Variants in KDM4B observed in about 807,000 individuals in gnomAD.
The protein encoded by KDM4B is lysine-specific demethylase 4B.
KDM4B carries 32 observed loss-of-function variants against 125.2 expected under a neutral mutation model. That is an observed-to-expected ratio of 0.26 (90% confidence interval 0.19 to 0.34). KDM4B has a LOEUF of 0.34. Among genes scored for constraint, KDM4B ranks in the 10% least tolerant of loss-of-function variants. The pLI, the probability that KDM4B is intolerant of heterozygous loss-of-function variation, is 1.00. For synonymous variants in KDM4B, 721 were observed against 677.9 expected (o/e 1.06, Z -0.99); for missense variants, 1,190 against 1,577.7 (o/e 0.75, Z 4.16).
chr19:5,014,419 G>A (rs1404502436), intron 1 of KDM4B, among the ~76,000 whole-genome samples: 1 of 152,166 alleles, frequency 6.6e-6, no homozygotes, highest in Non-Finnish European at 1.5e-5. Context: ...TGGGACTGCA[G>A]GCGCCCGCCA....
chr19:5,084,464 TTA>T (rs935637987), intron 9 of KDM4B, among the ~76,000 whole-genome samples: 3 of 138,510 alleles, frequency 2.2e-5, no homozygotes, highest in South Asian at 2.1e-4. Flanking sequence ...AATTTATATA[TTA>T]TATATAAATA....
Position 5,144,223 on chromosome 19 carries a change from C to T in KDM4B, c.2737-25C>T, listed in dbSNP as rs1444649336. The T allele has an allele frequency of 3.8e-6, 6 of 1,593,332 alleles. No homozygotes were observed. The African/African-American group carries it at 4.0e-5, about 11-fold the overall frequency. ...CCCACCGACACCCGCGCTGACCGCC[C>T]CCCACACCCTCCGCACCCTCCCAGG... On this transcript the variant is annotated intron_variant, in intron 19 of 22. Coordinates refer to ENST00000159111, the MANE Select transcript of KDM4B (RefSeq NM_015015.3).
chr19:5,107,155 C>T lies in KDM4B; in HGVS notation c.919-3467C>T, dbSNP rs556151230. On this transcript the variant is annotated intron_variant, in intron 9 of 22. Coordinates refer to ENST00000159111, the MANE Select transcript of KDM4B (RefSeq NM_015015.3). ...GGCCAGATGCGCCCAGCTTCCCCGG[C>T]AGCTCTCAGGGCGGCCTCACCCATG... 1.6e-4 allele frequency among the ~76,000 whole-genome samples: 24 copies of T among 152,362 alleles called. 1 individual carries two copies. Among genetic ancestry groups the T allele is most frequent in the Admixed American group, 5.2e-4 (8 of 15,308 alleles).
At chr19:5,116,446 G>A (rs1014439678) in intron 10 of KDM4B, among the ~76,000 whole-genome samples, 1 of 152,144 alleles carries the variant, frequency 6.6e-6, no homozygotes, top group African/African-American at 2.4e-5. Context: ...ACAGAGTCTC[G>A]TATTCCACCT....
intron 10 of KDM4B, chr19:5,119,320 C>T (rs528672185): frequency 2.0e-5 from 17 of 830,466 alleles, no homozygotes; most frequent in Middle Eastern, 3.1e-4. Flanking sequence ...GTGGCACACG[C>T]GGCTCCTGCC....
intron 10 of KDM4B, among the ~76,000 whole-genome samples, chr19:5,117,731 G>A (rs953120827): frequency 1.3e-5 from 2 of 152,172 alleles, no homozygotes; most frequent in Admixed American, 6.5e-5. Flanking sequence ...CCTGCTCCCT[G>A]TGTTAGTGAC....
intron 1 of KDM4B, among the ~76,000 whole-genome samples, chr19:4,972,870 G>A (rs1224402995): frequency 2.6e-5 from 4 of 152,188 alleles, no homozygotes; most frequent in African/African-American, 7.2e-5. Context: ...GAGCCCCCAC[G>A]GGGTCCCCTG....
Position 5,133,948 on chromosome 19 carries a change from C to G in KDM4B, c.1972C>G (p.Leu658Val), listed in dbSNP as rs2039603396. 6.2e-7 allele frequency: 1 copy of G among 1,613,000 alleles called. No homozygotes were observed. The highest frequency in any genetic ancestry group is 8.5e-7 in the Non-Finnish European group (1 of 1,179,952). The change falls in exon 14 of 23, where the codon CTG becomes GTG. Residue 658 changes from leucine (L) to valine (V), a missense_variant. Leu to Val is a conservative substitution (Grantham distance 32, BLOSUM62 1). Around this residue, in one of 7 missense-constraint regions of KDM4B, gnomAD observed 128 missense variants for 137.8 expected, o/e 0.93. Coordinates refer to ENST00000159111, the MANE Select transcript of KDM4B (RefSeq NM_015015.3). Reference sequence around the variant, plus strand: ...GGACGCCTTGAGGCCGCTGCTGTCTCTGCAGTGGAAGAACAGGGCGGCCAG... The same window carrying G: ...GGACGCCTTGAGGCCGCTGCTGTCTGTGCAGTGGAAGAACAGGGCGGCCAG... ...DPDALRPLLSLQWKNRAASFQ... is the reference protein window; with the variant it reads ...DPDALRPLLSVQWKNRAASFQ...
At chr19:4,994,020 GTTTTTTTTTT>G (rs55641886) in intron 1 of KDM4B, among the ~76,000 whole-genome samples, 1 of 66,708 alleles carries the variant, frequency 1.5e-5, no homozygotes, top group South Asian at 5.7e-4. Flanking sequence ...TTTTCAGCCT[GTTTTTTTTTT>G]TTTTTTTTTT....
chr19:5,103,116 G>C (rs574042873), intron 9 of KDM4B, among the ~76,000 whole-genome samples: 8 of 152,232 alleles, frequency 5.3e-5, no homozygotes, highest in African/African-American at 1.9e-4. Flanking sequence ...ACTGCTGCCA[G>C]TGGGGCCGGT....
chr19:5,027,189 G>A (rs62114353), intron 2 of KDM4B, among the ~76,000 whole-genome samples: 2 of 152,158 alleles, frequency 1.3e-5, no homozygotes, highest in Admixed American at 1.3e-4. Context: ...AGCCGGTACG[G>A]TTGCCCTGCG....
intron 3 of KDM4B, among the ~76,000 whole-genome samples, chr19:5,038,590 G>A (rs1326885743): frequency 6.6e-6 from 1 of 152,236 alleles, no homozygotes; most frequent in Non-Finnish European, 1.5e-5. Flanking sequence ...GTGTTCCAGT[G>A]TCTGAGGTGG....
At chr19:5,122,458 G>C (rs1010060720) in intron 11 of KDM4B, among the ~76,000 whole-genome samples, 7 of 152,226 alleles carry the variant, frequency 4.6e-5, no homozygotes, top group African/African-American at 1.7e-4. Context: ...TCCTCTGCCT[G>C]CCACATGCTT....
Position 5,153,356 on chromosome 19 carries a change from T to C in KDM4B, c.*1845T>C, listed in dbSNP as rs368625467. On this transcript the variant is annotated 3_prime_UTR_variant, in exon 23 of 23. Transcript: ENST00000159111. ...GGGTGCCCCTGCTGCCCTTGTCCCT[T>C]GGGGGTCACACCCATCCCCTGGTGG... 4 of 152,414 alleles carry C rather than the reference T, an allele frequency of 2.6e-5. No homozygotes were observed. Among genetic ancestry groups the C allele is most frequent in the East Asian group, 3.9e-4 (2 of 5,180 alleles). The allele number at this position is 152,414 out of a possible 1,614,324, so 9.4% of individuals were successfully genotyped here. A position where few individuals can be genotyped will look rare whatever the true frequency, so the allele number is the denominator to read the frequency against.
intron 10 of KDM4B, among the ~76,000 whole-genome samples, chr19:5,116,448 A>G (rs776526103): frequency 6.6e-6 from 1 of 152,232 alleles, no homozygotes; most frequent in Non-Finnish European, 1.5e-5. Context: ...AGAGTCTCGT[A>G]TTCCACCTCC....
Position 5,152,797 on chromosome 19 carries a change from G to A in KDM4B, c.*1286G>A, listed in dbSNP as rs1235497340. On this transcript the variant is annotated 3_prime_UTR_variant, in exon 23 of 23. Coordinates refer to ENST00000159111, the MANE Select transcript of KDM4B (RefSeq NM_015015.3). The stretch of plus-strand genomic sequence containing the variant: ...TCCTGCCCCAGGGAGGGATGGAGGA[G>A]ATAATTTGCTTATATTAAAAACAAA... 6.6e-6 allele frequency: 1 copy of A among 152,298 alleles called. No homozygotes were observed. Among genetic ancestry groups the A allele is most frequent in the Admixed American group, 6.5e-5 (1 of 15,288 alleles). The allele number at this position is 152,298 out of a possible 1,614,324, so 9.4% of individuals were successfully genotyped here.
intron 2 of KDM4B, among the ~76,000 whole-genome samples, chr19:5,031,384 C>T (rs1264852031): frequency 6.6e-6 from 1 of 152,256 alleles, no homozygotes; most frequent in African/African-American, 2.4e-5. Flanking sequence ...TTCTAGGCTG[C>T]ACGTGGTCAC....
intron 19 of KDM4B, 41 bp from the exon 20 acceptor site, chr19:5,144,207 A>T (rs1416745695): frequency 6.4e-7 from 1 of 1,559,528 alleles, no homozygotes; most frequent in Admixed American, 1.7e-5. Context: ...CCCCACCGAC[A>T]CCCGCGCTGA....
At chr19:5,111,535 C>T (rs1252693170) in intron 10 of KDM4B, 2 of 764,372 alleles carry the variant, frequency 2.6e-6, no homozygotes, top group East Asian at 2.4e-5. Flanking sequence ...ACTTCATGCC[C>T]AGAGTGAAGG....
Sources: gnomAD v4.1 joint callset for allele counts (sites outside exome capture counted in the v4.1 genomes callset) on GRCh38, gnomAD v4.1.1 for gene constraint, gnomAD v4.1.1 regional missense constraint, MANE v1.5 for transcripts, NCBI Gene and HGNC (gene_info 2026-07-23, HGNC 2026-07-21) for gene names.